Variants in PASD1 observed in about 807,000 individuals in gnomAD.
PASD1 encodes the protein circadian clock protein PASD1.
PASD1 carries 13 observed loss-of-function variants against 58.8 expected under a neutral mutation model. The observed-to-expected ratio is 0.22, with a 90% CI of 0.14 to 0.35. The LOEUF is 0.35. PASD1 is among the 10% of genes least tolerant of loss of function. The pLI is 1.00. For missense variants in PASD1, 734 were observed against 568.3 expected (o/e 1.29, Z -2.96); for synonymous variants, 236 against 216.7 (o/e 1.09, Z -0.78).
rs373938050 is a variant in PASD1 at position 151,591,612 on chromosome X, T to G, written c.-27-9915T>G. On this transcript the variant is annotated intron_variant, in intron 1 of 15. Coordinates refer to ENST00000370357, the MANE Select transcript of PASD1 (RefSeq NM_173493.3). Reference sequence around the variant, plus strand: ...ATTAGCCTTATTCTTTTTCAATCTTTCCATGTTCTTTCACCGACATAAGTT... The same window carrying G: ...ATTAGCCTTATTCTTTTTCAATCTTGCCATGTTCTTTCACCGACATAAGTT... 2.6e-4 allele frequency among the ~76,000 whole-genome samples: 29 copies of G among 111,977 alleles called. 3 individuals are homozygous for G. The highest frequency in any genetic ancestry group is 2.2e-3 in the Admixed American group (23 of 10,533).
chrX:151,600,843 C>A (rs750463156), intron 1 of PASD1, among the ~76,000 whole-genome samples: 52 of 111,874 alleles, frequency 4.6e-4, no homozygotes, highest in African/African-American at 1.5e-3. Flanking sequence ...GTTTGACTCC[C>A]TGAACTTTCC....
At chrX:151,579,410 T>C (rs749069251) in intron 1 of PASD1, among the ~76,000 whole-genome samples, 134 of 111,895 alleles carry the variant, frequency 1.2e-3, no homozygotes, top group African/African-American at 4.1e-3. Context: ...ACATGAGTAA[T>C]AATAGAAGTT....
intron 9 of PASD1, among the ~76,000 whole-genome samples, chrX:151,656,172 T>C (rs948624462): frequency 2.5e-4 from 28 of 111,401 alleles, no homozygotes; most frequent in African/African-American, 9.2e-4. Flanking sequence ...TGTAGATGTG[T>C]GGTATTATTT....
At chrX:151,657,117 A>G (rs1478676752) in intron 9 of PASD1, among the ~76,000 whole-genome samples, 1 of 111,829 alleles carries the variant, frequency 8.9e-6, no homozygotes, top group South Asian at 3.8e-4. Flanking sequence ...TGAGATAACC[A>G]TGTGGTTTTT....
At chrX:151,670,983 G>C (rs2014459369) in intron 11 of PASD1, 55 bp from the exon 12 acceptor site, 2 of 1,139,439 alleles carry the variant, frequency 1.8e-6, no homozygotes, top group Non-Finnish European at 2.4e-6. Flanking sequence ...AGGATGGTAA[G>C]ACTTGGAGAA....
chrX:151,641,139 T>C (rs940929892), intron 8 of PASD1: 2 of 111,112 alleles, frequency 1.8e-5, no homozygotes, highest in African/African-American at 6.6e-5. Flanking sequence ...TTTTTAATTC[T>C]GGTGAGGAAA....
chrX:151,632,086 G>A (rs769582177), intron 8 of PASD1, among the ~76,000 whole-genome samples: 2 of 110,900 alleles, frequency 1.8e-5, no homozygotes, highest in African/African-American at 6.5e-5. Flanking sequence ...CAAGTCAATA[G>A]ACTATAGAGC....
chrX:151,664,244 C>A lies in PASD1; in HGVS notation c.967C>A (p.Gln323Lys), dbSNP rs200813040. The change falls in exon 11 of 16, where the codon CAG becomes AAG. Residue 323 changes from glutamine to lysine, a missense_variant. By Grantham distance (53) the Gln-to-Lys change is moderately conservative (BLOSUM62 1). Coordinates refer to ENST00000370357, the MANE Select transcript of PASD1 (RefSeq NM_173493.3). ...SVDQEGPMDQQDPENPVAPLD... is the reference protein window; with the variant it reads ...SVDQEGPMDQKDPENPVAPLD... ...GGACCAGGAGGGCCCAATGGACCAG[C>A]AGGACCCAGAGAACCCAGTTGCCCC... The A allele has an allele frequency of 2.5e-6, 3 of 1,201,568 alleles. No homozygotes were observed. In the Admixed American group the frequency reaches 6.6e-5, roughly 26 times the overall value.
chrX:151,597,427 C>T (rs1251497402), intron 1 of PASD1, among the ~76,000 whole-genome samples: 3 of 111,845 alleles, frequency 2.7e-5, no homozygotes, highest in African/African-American at 9.7e-5. Context: ...AAGGCAGTAT[C>T]CCATTTTATC....
At chrX:151,662,226 C>T (rs988223589) in intron 10 of PASD1, among the ~76,000 whole-genome samples, 1 of 110,930 alleles carries the variant, frequency 9.0e-6, no homozygotes, top group Admixed American at 9.6e-5. Context: ...TTTATTCGTA[C>T]ATTCATTTAC....
At position 151,671,051 on chromosome X, in the gene PASD1, C is replaced by T; in HGVS notation, c.1085C>T (p.Ser362Leu). 8.3e-7 allele frequency: 1 copy of T among 1,210,712 alleles called. No homozygotes were observed. The highest frequency in any genetic ancestry group is 1.8e-5 in the South Asian group (1 of 56,577). ...AGASAQPLQP[S>L]SPVAYDIISQ... ...TCCTCCCCACAGCCATTACAGCCATCATCACCAGTTGCATATGACATCATT... is the reference window on the plus strand; with the variant it reads ...TCCTCCCCACAGCCATTACAGCCATTATCACCAGTTGCATATGACATCATT... Residue 362 changes from serine to leucine, a missense_variant, in exon 12 of 16, where the codon TCA (serine) becomes TTA (leucine). Transcript: ENST00000370357.
chrX:151,599,439 C>G (rs1028598660), intron 1 of PASD1, among the ~76,000 whole-genome samples: 4 of 105,615 alleles, frequency 3.8e-5, no homozygotes, highest in Non-Finnish European at 5.9e-5. Flanking sequence ...GGCGGCTGGC[C>G]GGGCGGGGGC....
At chrX:151,657,325 T>G (rs992429057) in intron 9 of PASD1, among the ~76,000 whole-genome samples, 16 of 111,758 alleles carry the variant, frequency 1.4e-4, no homozygotes, top group African/African-American at 2.6e-4. Context: ...TTCTCTTTTT[T>G]TTGTTGTTTC....
intron 1 of PASD1, among the ~76,000 whole-genome samples, chrX:151,586,939 T>A (rs1484439602): frequency 9.0e-6 from 1 of 111,653 alleles, no homozygotes; most frequent in African/African-American, 3.3e-5. Flanking sequence ...ATTTCAGAAC[T>A]GGCAGGAACA....
chrX:151,607,320 T>A (rs1457697494), intron 3 of PASD1, among the ~76,000 whole-genome samples: 1 of 112,421 alleles, frequency 8.9e-6, no homozygotes, highest in Non-Finnish European at 1.9e-5. Flanking sequence ...TTTTTACTTC[T>A]GTATTCTTGT....
intron 1 of PASD1, among the ~76,000 whole-genome samples, chrX:151,578,026 A>G (rs1245690659): frequency 4.5e-5 from 5 of 112,056 alleles, no homozygotes; most frequent in Non-Finnish European, 9.4e-5. Context: ...AGACCATTCA[A>G]TATTTGTTAG....
At chrX:151,604,791 C>A in intron 3 of PASD1, 57 bp downstream of exon 3, 1 of 919,512 alleles carries the variant, frequency 1.1e-6, no homozygotes, top group Non-Finnish European at 1.6e-6. Context: ...TAATAGAAGA[C>A]AAAGAATAGT....
At chrX:151,604,593 G>A (rs2013461138) in intron 2 of PASD1, 53 bp from the exon 3 acceptor site, 2 of 893,238 alleles carry the variant, frequency 2.2e-6, no homozygotes, top group Non-Finnish European at 3.2e-6. Context: ...AATACCCATA[G>A]CTAATCATTT....
intron 11 of PASD1, among the ~76,000 whole-genome samples, chrX:151,670,326 T>C (rs1458918285): frequency 1.8e-5 from 2 of 111,890 alleles, no homozygotes; most frequent in African/African-American, 6.5e-5. Flanking sequence ...ATGAATAAAA[T>C]CCAAGTTCCT....
Sources: gnomAD v4.1 joint callset for allele counts (sites outside exome capture counted in the v4.1 genomes callset) on GRCh38, gnomAD v4.1.1 for gene constraint, MANE v1.5 for transcripts, NCBI Gene and HGNC (gene_info 2026-07-23, HGNC 2026-07-21) for gene names.